The following ZNF131 variants were observed in gnomAD, a reference collection of about 807,000 sequenced individuals.
ZNF131 encodes the protein zinc finger and BTB domain containing 35.
Under a neutral mutation model 60.0 loss-of-function variants are expected in ZNF131, and 7 were observed. The ratio of observed to expected loss-of-function variants is 0.12; its 90% confidence interval spans 0.07 to 0.22. The LOEUF (loss-of-function observed/expected upper bound fraction) is 0.22. Among genes scored for constraint, ZNF131 ranks in the 10% least tolerant of loss-of-function variants. ZNF131 has a pLI of 1.00. For missense variants in ZNF131, 493 were observed against 740.9 expected, an observed-to-expected ratio of 0.67 and a Z score of 3.88; for synonymous variants, 257 against 253.2, an observed-to-expected ratio of 1.01 and a Z score of -0.14.
chr5:43,121,222 T>A (rs566862749), intron 1 of ZNF131, 99 bp downstream of exon 1: 1 of 152,800 alleles, frequency 6.5e-6, no homozygotes, highest in Admixed American at 6.5e-5. Context: ...GTTGGCGAGT[T>A]CATTCCGGGC....
At chr5:43,139,622 A>C (rs186017714) in intron 4 of ZNF131, among the ~76,000 whole-genome samples, 4 of 152,332 alleles carry the variant, frequency 2.6e-5, no homozygotes, top group Admixed American at 1.3e-4. Context: ...GTTTATACCA[A>C]GCCTTATCCT....
In ZNF131 at chr5:43,174,476, C is replaced by G. The variant is rs1323720890; in HGVS notation, c.1215C>G (p.Asp405Glu). Reference protein sequence around the residue: ...QVCNSVFNSWDQFKDHLVIHT... With the variant: ...QVCNSVFNSWEQFKDHLVIHT... Reference sequence around the variant, plus strand: ...GCAACAGTGTGTTTAACAGCTGGGACCAGTTCAAAGATCACTTGGTAATAC... The same window carrying G: ...GCAACAGTGTGTTTAACAGCTGGGAGCAGTTCAAAGATCACTTGGTAATAC... Residue 405 changes from aspartate to glutamate, a missense_variant, in exon 7 of 7, where the codon GAC (aspartate) becomes GAG (glutamate). Asp to Glu is a conservative substitution (Grantham distance 45, BLOSUM62 2). Coordinates refer to ENST00000682664, the MANE Select transcript of ZNF131 (RefSeq NM_001330707.2). 1 of 1,539,588 alleles carries G rather than the reference C, an allele frequency of 6.5e-7. No individual in the cohort carries two copies. The highest frequency in any genetic ancestry group is 8.7e-7 in the Non-Finnish European group (1 of 1,143,718).
In ZNF131 at chr5:43,174,432, T is replaced by A; in HGVS notation, c.1186-15T>A. The A allele has an allele frequency of 6.6e-7, 1 of 1,513,154 alleles. No homozygotes were observed. Among genetic ancestry groups the A allele is most frequent in the Non-Finnish European group, 8.8e-7 (1 of 1,132,518 alleles). The allele number at this position is 1,513,154 out of a possible 1,614,324, so 93.7% of individuals were successfully genotyped here. On this transcript the variant is annotated splice_polypyrimidine_tract_variant and intron_variant, in intron 6 of 6. Coordinates refer to ENST00000682664, the MANE Select transcript of ZNF131 (RefSeq NM_001330707.2). ...GATATAAGTATTGTCTACATCATAT[T>A]TTTGGTTATTTCAGGTCTGCAACAG...
chr5:43,145,289 T>A (rs192030326), intron 4 of ZNF131, among the ~76,000 whole-genome samples: 121 of 152,270 alleles, frequency 7.9e-4, no homozygotes, highest in African/African-American at 2.9e-3. Context: ...TAATTACTCC[T>A]GTTTGGGATA....
chr5:43,164,224 A>T (rs1367683469), intron 5 of ZNF131, among the ~76,000 whole-genome samples: 1 of 152,174 alleles, frequency 6.6e-6, no homozygotes, highest in Non-Finnish European at 1.5e-5. Flanking sequence ...CAGGATGCAA[A>T]ACCCATGTAT....
chr5:43,148,613 G>C (rs1201256429), intron 4 of ZNF131, among the ~76,000 whole-genome samples: 1 of 152,196 alleles, frequency 6.6e-6, no homozygotes, highest in Non-Finnish European at 1.5e-5. Flanking sequence ...AAATGAATGG[G>C]TGTAGCTATG....
chr5:43,162,589 C>CT (rs1452059923), intron 5 of ZNF131, among the ~76,000 whole-genome samples: 2 of 100,886 alleles, frequency 2.0e-5, no homozygotes, highest in Admixed American at 1.2e-4. Flanking sequence ...GAGACTCCAT[C>CT]TTAAAAAAAA....
intron 4 of ZNF131, among the ~76,000 whole-genome samples, chr5:43,152,079 C>T (rs575848466): frequency 6.6e-6 from 1 of 152,082 alleles, no homozygotes; most frequent in African/African-American, 2.4e-5. Context: ...GATCTTGGCT[C>T]ACTGCCTCTA....
chr5:43,160,678 CTTTTTTTTTTT>C (rs71608692), intron 4 of ZNF131, among the ~76,000 whole-genome samples: 1 of 93,032 alleles, frequency 1.1e-5, no homozygotes, highest in Non-Finnish European at 2.1e-5. Context: ...TAGCTTGGAA[CTTTTTTTTTTT>C]TTTTTTTTTT....
At chr5:43,130,264 C>CAAAAAAAAAAAAAAAAAAAAA (rs570313526) in intron 3 of ZNF131, among the ~76,000 whole-genome samples, 2 of 68,390 alleles carry the variant, frequency 2.9e-5, no homozygotes, top group African/African-American at 5.9e-5. Flanking sequence ...ACTCTGTCTC[C>CAAAAAAAAAAAAAAAAAAAAA]AAAAAAAAAA....
rs1406016306 is a variant in ZNF131, at chr5:43,176,122, T to C, written c.*989T>C. 1 of 152,268 alleles carries C rather than the reference T, an allele frequency of 6.6e-6. No homozygotes were observed. Among genetic ancestry groups the C allele is most frequent in the East Asian group, 1.9e-4 (1 of 5,208 alleles). The allele number at this position is 152,268 out of a possible 1,614,324, so 9.4% of individuals were successfully genotyped here. ...TGGAATCTTTTCCCCCAATTCTTAA[T>C]GTAAAGATCTTGTGCTATAACTTTT... On this transcript the variant is annotated 3_prime_UTR_variant, in exon 7 of 7. Transcript: ENST00000682664.
chr5:43,147,013 C>G (rs1747673119), intron 4 of ZNF131, among the ~76,000 whole-genome samples: 1 of 152,114 alleles, frequency 6.6e-6, no homozygotes, highest in East Asian at 1.9e-4. Flanking sequence ...TGCAGTTGAT[C>G]CTGATCTCTA....
intron 5 of ZNF131, among the ~76,000 whole-genome samples, chr5:43,164,705 T>A (rs887131413): frequency 4.6e-5 from 7 of 152,190 alleles, no homozygotes; most frequent in African/African-American, 1.7e-4. Context: ...TCTTAGATTT[T>A]TTATTTTGGT....
At chr5:43,132,584 C>T (rs533181252) in intron 3 of ZNF131, among the ~76,000 whole-genome samples, 6 of 147,306 alleles carry the variant, frequency 4.1e-5, no homozygotes, top group Non-Finnish European at 7.4e-5. Context: ...GATCTCAGCT[C>T]ACTCTAACTT....
chr5:43,134,426 T>C (rs1020390792), intron 3 of ZNF131, among the ~76,000 whole-genome samples: 3 of 152,146 alleles, frequency 2.0e-5, no homozygotes, highest in Middle Eastern at 3.2e-3. Flanking sequence ...AAACTGACAC[T>C]TTTTTCTCTA....
At chr5:43,121,311 T>C (rs1422468230) in intron 1 of ZNF131, among the ~76,000 whole-genome samples, 188 bp downstream of exon 1, 1 of 152,192 alleles carries the variant, frequency 6.6e-6, no homozygotes, top group Non-Finnish European at 1.5e-5. Context: ...GGTTCCCAGC[T>C]TCTGGCCCTG....
chr5:43,129,317 C>T (rs1207526623), intron 3 of ZNF131, among the ~76,000 whole-genome samples: 1 of 152,102 alleles, frequency 6.6e-6, no homozygotes, highest in Non-Finnish European at 1.5e-5. Context: ...AGCAATGCTC[C>T]TGCCTTGGCC....
At chr5:43,142,339 C>T (rs919032468) in intron 4 of ZNF131, among the ~76,000 whole-genome samples, 3 of 146,824 alleles carry the variant, frequency 2.0e-5, no homozygotes, top group African/African-American at 5.0e-5. Flanking sequence ...AAGACTCCAT[C>T]GCCCAGACTG....
intron 3 of ZNF131, among the ~76,000 whole-genome samples, chr5:43,126,007 ATAAT>A (rs1327470532): frequency 1.3e-5 from 2 of 152,216 alleles, no homozygotes; most frequent in South Asian, 2.1e-4. Context: ...TCAGGTTTAA[ATAAT>A]TAATTTGGTT....
Sources: allele counts gnomAD v4.1 joint callset (sites outside exome capture counted in the v4.1 genomes callset), GRCh38; gene constraint gnomAD v4.1.1; transcripts MANE v1.5; gene names NCBI Gene and HGNC (gene_info 2026-07-23, HGNC 2026-07-21).